PKP4: variants seen among roughly 807,000 people sequenced by gnomAD.
PKP4 encodes plakophilin-4.
Under a neutral mutation model 145.1 loss-of-function variants are expected in PKP4, and 90 were observed. That is an observed-to-expected ratio of 0.62 (90% CI 0.52 to 0.74). The LOEUF is 0.74. PKP4 is among the 30% of genes least tolerant of loss of function. The pLI is 0.00. For synonymous variants in PKP4, 563 were observed against 577.2 expected (o/e 0.98, Z 0.35); for missense variants, 1,340 against 1,482.7 (o/e 0.90, Z 1.58).
At chr2:158,534,232 A>C (rs2043837368) in intron 2 of PKP4, among the ~76,000 whole-genome samples, 1 of 152,224 alleles carries the variant, frequency 6.6e-6, no homozygotes, top group Non-Finnish European at 1.5e-5. Flanking sequence ...AGATTGAGGA[A>C]ACATTTATTA....
intron 1 of PKP4, among the ~76,000 whole-genome samples, chr2:158,461,396 G>T (rs948319006): frequency 6.6e-6 from 1 of 152,014 alleles, no homozygotes; most frequent in African/African-American, 2.4e-5. Flanking sequence ...ATTATTCATA[G>T]TCTTGATAAC....
At chr2:158,623,658 T>C (rs1177065035) in intron 6 of PKP4, among the ~76,000 whole-genome samples, 1 of 152,156 alleles carries the variant, frequency 6.6e-6, no homozygotes, top group Non-Finnish European at 1.5e-5. Flanking sequence ...GCCAGCCCAG[T>C]TGCATGCGAC....
chr2:158,542,589 G>A lies in PKP4; in HGVS notation c.132+9273G>A, dbSNP rs777179940. Among the ~76,000 whole-genome samples the A allele has an allele frequency of 9.6e-4, 146 of 152,242 alleles. 1 individual carries two copies. The highest frequency in any genetic ancestry group is 3.3e-3 in the African/African-American group (137 of 41,552). On this transcript the variant is annotated intron_variant, in intron 2 of 21. Transcript: ENST00000389759. ...CTTTTTAACCTAGGATAAAACTTCA[G>A]TTTCCCACTGAAAACCTTTGTCAGA...
intron 9 of PKP4, among the ~76,000 whole-genome samples, chr2:158,635,871 T>TA (rs1173664717): frequency 6.6e-6 from 1 of 152,138 alleles, no homozygotes; most frequent in Admixed American, 6.5e-5. Context: ...AAACCAAAAT[T>TA]AAAAGCTCAT....
chr2:158,519,436 G>A (rs142610254), intron 1 of PKP4, among the ~76,000 whole-genome samples: 121 of 152,270 alleles, frequency 7.9e-4, no homozygotes, highest in African/African-American at 2.8e-3. Context: ...TTCTCTGCCA[G>A]TGACAAAATG....
intron 2 of PKP4, among the ~76,000 whole-genome samples, chr2:158,550,734 T>C (rs1049287173): frequency 6.6e-6 from 1 of 152,252 alleles, no homozygotes; most frequent in Non-Finnish European, 1.5e-5. Flanking sequence ...ACTCAAGTTC[T>C]CAAACTGTGG....
intron 1 of PKP4, among the ~76,000 whole-genome samples, chr2:158,512,944 G>T (rs1307083294): frequency 6.6e-6 from 1 of 152,170 alleles, no homozygotes; most frequent in Non-Finnish European, 1.5e-5. Flanking sequence ...TTAGAATCTT[G>T]TCAAAGGTGA....
chr2:158,643,403 G>A (rs1054329756), intron 11 of PKP4, among the ~76,000 whole-genome samples: 2 of 152,108 alleles, frequency 1.3e-5, no homozygotes, highest in Non-Finnish European at 2.9e-5. Context: ...CAGCAAGAGG[G>A]GGCTGCTGTG....
At chr2:158,618,744 T>A (rs1198528732) in intron 4 of PKP4, among the ~76,000 whole-genome samples, 1 of 152,050 alleles carries the variant, frequency 6.6e-6, no homozygotes, top group Non-Finnish European at 1.5e-5. Flanking sequence ...GTTTTTTTTT[T>A]AAGCTCTGAA....
chr2:158,591,250 T>C lies in PKP4; in HGVS notation c.246-11820T>C, dbSNP rs1048017558. On this transcript the variant is annotated intron_variant, in intron 3 of 21. Coordinates refer to ENST00000389759, the MANE Select transcript of PKP4 (RefSeq NM_003628.6). Reference sequence around the variant, plus strand: ...TTTAAACCACCCAACTGTTTTTAAATTGAAACAGGGAATATGAATACTGAC... The same window carrying C: ...TTTAAACCACCCAACTGTTTTTAAACTGAAACAGGGAATATGAATACTGAC... Among the ~76,000 whole-genome samples the C allele has an allele frequency of 5.3e-5, 8 of 152,104 alleles. 1 individual carries two copies. The highest frequency in any genetic ancestry group is 1.9e-4 in the African/African-American group (8 of 41,448).
chr2:158,515,839 A>T (rs2041894358), intron 1 of PKP4, among the ~76,000 whole-genome samples: 1 of 152,126 alleles, frequency 6.6e-6, no homozygotes, highest in Non-Finnish European at 1.5e-5. Context: ...TGAGGCCAGG[A>T]GTTCAAGACC....
intron 1 of PKP4, among the ~76,000 whole-genome samples, chr2:158,502,927 C>T (rs1013270978): frequency 2.6e-5 from 4 of 152,202 alleles, no homozygotes; most frequent in Non-Finnish European, 5.9e-5. Flanking sequence ...ACTTTCTGCT[C>T]TGTGGTCGTC....
intron 3 of PKP4, among the ~76,000 whole-genome samples, chr2:158,578,698 A>G (rs1416934772): frequency 2.6e-5 from 4 of 152,320 alleles, no homozygotes; most frequent in South Asian, 2.1e-4. Context: ...GTAATTCAAC[A>G]TTTAACAGAA....
chr2:158,635,648 A>G (rs1312323352), intron 9 of PKP4, among the ~76,000 whole-genome samples: 4 of 152,156 alleles, frequency 2.6e-5, no homozygotes, highest in African/African-American at 9.7e-5. Flanking sequence ...ATGTGAGTTG[A>G]TTCTCTATAA....
At chr2:158,670,778 C>A (rs867132237) in intron 17 of PKP4, among the ~76,000 whole-genome samples, 2 of 152,170 alleles carry the variant, frequency 1.3e-5, no homozygotes, top group Admixed American at 6.5e-5. Context: ...GCTTGGATGG[C>A]GCATTTCCCT....
At chr2:158,583,325 A>G (rs4664978) in intron 3 of PKP4, among the ~76,000 whole-genome samples, 110,707 of 152,022 alleles carry the variant, frequency 0.73, 41,512 homozygotes, top group East Asian at 0.92. Flanking sequence ...ACTCCTCCCT[A>G]GGACTTCCCC....
At chr2:158,563,288 T>C (rs1365900367) in intron 2 of PKP4, among the ~76,000 whole-genome samples, 2 of 152,100 alleles carry the variant, frequency 1.3e-5, no homozygotes, top group Non-Finnish European at 2.9e-5. Flanking sequence ...ATGCCCAAGG[T>C]AGAGGGAATT....
intron 7 of PKP4, among the ~76,000 whole-genome samples, chr2:158,626,626 T>C (rs1401631081): frequency 6.6e-6 from 1 of 152,208 alleles, no homozygotes; most frequent in African/African-American, 2.4e-5. Flanking sequence ...TTTCTGCCAG[T>C]AGTTTGAGTG....
At chr2:158,541,091 C>T (rs1401968058) in intron 2 of PKP4, among the ~76,000 whole-genome samples, 1 of 152,084 alleles carries the variant, frequency 6.6e-6, no homozygotes, top group Admixed American at 6.6e-5. Flanking sequence ...TTTGCATGAT[C>T]GTTTTTCTTT....
Sources: allele counts gnomAD v4.1 joint callset (sites outside exome capture counted in the v4.1 genomes callset), GRCh38; gene constraint gnomAD v4.1.1; transcripts MANE v1.5; gene names NCBI Gene and HGNC (gene_info 2026-07-23, HGNC 2026-07-21).